Variants in SLC17A6 observed in about 807,000 individuals in gnomAD.
SLC17A6 encodes solute carrier family 17 member 6.
SLC17A6 carries 35 observed loss-of-function variants against 67.1 expected under a neutral mutation model. The observed-to-expected ratio is 0.52, with a 90% CI of 0.40 to 0.69. The LOEUF is 0.69. SLC17A6 is among the 30% of genes least tolerant of loss of function. The pLI, the probability that SLC17A6 is intolerant of heterozygous loss-of-function variation, is 0.00. For missense variants in SLC17A6, 588 were observed against 723.9 expected (o/e 0.81, Z 2.15); for synonymous variants, 285 against 252.3 (o/e 1.13, Z -1.23).
Position 22,377,691 on chromosome 11 carries a change from G to C in SLC17A6, c.1700G>C (p.Gly567Ala). ...GWEKKEEFVQ[G>A]EVQDSHSYKD... ...GAAAAGAAAGAGGAATTTGTACAAG[G>C]AGAAGTACAAGACTCACATAGCTAT... The change falls in exon 12 of 12, where the codon GGA becomes GCA. Residue 567 changes from glycine (G) to alanine (A), a missense_variant. Physicochemically the swap from Gly to Ala is moderately conservative, Grantham distance 60. Coordinates refer to ENST00000263160, the MANE Select transcript of SLC17A6 (RefSeq NM_020346.3). The C allele has an allele frequency of 6.2e-7, 1 of 1,611,456 alleles. No individual in the cohort carries two copies. Among genetic ancestry groups the C allele is most frequent in the East Asian group, 2.2e-5 (1 of 44,862 alleles).
chr11:22,362,850 A>G (rs757365644), intron 6 of SLC17A6, 25 bp downstream of exon 6: 11 of 1,579,276 alleles, frequency 7.0e-6, no homozygotes, highest in Middle Eastern at 1.7e-4. Flanking sequence ...TATGCAATAG[A>G]GTTAAAGGAA....
chr11:22,371,128 A>G (rs1216490403), intron 8 of SLC17A6, among the ~76,000 whole-genome samples: 1 of 152,112 alleles, frequency 6.6e-6, no homozygotes, highest in Non-Finnish European at 1.5e-5. Flanking sequence ...TATCTTTACT[A>G]TGCCATTCAA....
At position 22,374,750 on chromosome 11, in the gene SLC17A6, A is replaced by G. The variant is rs370379027; in HGVS notation, c.1042-5A>G. ...CTATTTCTCTCCCTTCTTGTTTTTC[A>G]TCAGGTTGGTATGCTATCTGCTGTG... On this transcript the variant is annotated splice_region_variant and splice_polypyrimidine_tract_variant and intron_variant, in intron 8 of 11. Transcript: ENST00000263160. 7.6e-6 allele frequency: 12 copies of G among 1,587,294 alleles called. No homozygotes were observed. Among genetic ancestry groups the G allele is most frequent in the Middle Eastern group, 1.7e-4 (1 of 5,902 alleles).
At chr11:22,347,189 T>C (rs919887132) in intron 3 of SLC17A6, among the ~76,000 whole-genome samples, 1 of 151,972 alleles carries the variant, frequency 6.6e-6, no homozygotes, top group African/African-American at 2.4e-5. Flanking sequence ...ACCTGACTCA[T>C]GATAAATACT....
chr11:22,370,202 A>G lies in SLC17A6; in HGVS notation c.1041+14A>G. The G allele has an allele frequency of 6.3e-7, 1 of 1,584,702 alleles. No individual in the cohort carries two copies. The highest frequency in any genetic ancestry group is 2.3e-5 in the East Asian group (1 of 44,380). ...GAAATTAGCAAGGTATGTAAAATGT[A>G]TTCTTATATAAATTGTGGATTACCT... On this transcript the variant is annotated intron_variant, in intron 8 of 11. Coordinates refer to ENST00000263160, the MANE Select transcript of SLC17A6 (RefSeq NM_020346.3).
intron 3 of SLC17A6, among the ~76,000 whole-genome samples, chr11:22,356,309 AG>A (rs766966166): frequency 6.6e-6 from 1 of 152,162 alleles, no homozygotes; most frequent in Non-Finnish European, 1.5e-5. Context: ...TTGAATGGGG[AG>A]GCTGCTTCAA....
chr11:22,371,119 A>G (rs1856170717), intron 8 of SLC17A6, among the ~76,000 whole-genome samples: 2 of 152,146 alleles, frequency 1.3e-5, no homozygotes, highest in African/African-American at 4.8e-5. Context: ...CTGTTTAATT[A>G]TCTTTACTAT....
At chr11:22,372,968 G>A (rs1256918709) in intron 8 of SLC17A6, among the ~76,000 whole-genome samples, 1 of 152,060 alleles carries the variant, frequency 6.6e-6, no homozygotes, top group African/African-American at 2.4e-5. Context: ...TAAGAAAATA[G>A]GAGAGTCAAT....
At chr11:22,344,236 G>T (rs1181336552) in intron 3 of SLC17A6, among the ~76,000 whole-genome samples, 4 of 152,130 alleles carry the variant, frequency 2.6e-5, no homozygotes, top group Non-Finnish European at 5.9e-5. Context: ...CGCAAATAAA[G>T]ACTTCCAGGC....
intron 1 of SLC17A6, among the ~76,000 whole-genome samples, chr11:22,339,193 A>AT: frequency 7.4e-6 from 1 of 134,832 alleles, no homozygotes. Context: ...ATATATATAT[A>AT]TATATATATA....
At chr11:22,360,535 C>A (rs184132856) in intron 4 of SLC17A6, among the ~76,000 whole-genome samples, 17 of 139,332 alleles carry the variant, frequency 1.2e-4, no homozygotes, top group South Asian at 2.5e-4. Context: ...TTCCCCCCCC[C>A]CCAAAAAAAA....
intron 9 of SLC17A6, among the ~76,000 whole-genome samples, chr11:22,375,573 C>G (rs1237694375): frequency 1.3e-5 from 2 of 151,596 alleles, no homozygotes; most frequent in Non-Finnish European, 2.9e-5. Context: ...CCCCGCCTCC[C>G]GGGTTCAAGC....
At chr11:22,343,810 G>T (rs1381469407) in intron 3 of SLC17A6, among the ~76,000 whole-genome samples, 1 of 152,120 alleles carries the variant, frequency 6.6e-6, no homozygotes, top group East Asian at 1.9e-4. Flanking sequence ...TCGAAGACCT[G>T]GCCCCGTCCC....
chr11:22,366,663 C>T (rs896022003), intron 7 of SLC17A6, among the ~76,000 whole-genome samples: 1 of 152,036 alleles, frequency 6.6e-6, no homozygotes, highest in East Asian at 1.9e-4. Context: ...ATACATTGTA[C>T]ATAGTAATTA....
chr11:22,354,230 C>T (rs1297241169), intron 3 of SLC17A6, among the ~76,000 whole-genome samples: 2 of 151,898 alleles, frequency 1.3e-5, no homozygotes, highest in Admixed American at 6.6e-5. Flanking sequence ...ATTACAGGTG[C>T]CCACCGCCAC....
chr11:22,342,203 T>C (rs1268735013), intron 2 of SLC17A6, among the ~76,000 whole-genome samples: 2 of 152,168 alleles, frequency 1.3e-5, no homozygotes, highest in Non-Finnish European at 2.9e-5. Flanking sequence ...GAAAACAAAA[T>C]CAGCTGTGTT....
At chr11:22,343,604 G>A (rs1486248991) in intron 3 of SLC17A6, among the ~76,000 whole-genome samples, 2 of 152,176 alleles carry the variant, frequency 1.3e-5, no homozygotes, top group African/African-American at 4.8e-5. Flanking sequence ...CCTCTGCTGT[G>A]GCTGAACTTG....
At chr11:22,355,250 T>C (rs1407748190) in intron 3 of SLC17A6, among the ~76,000 whole-genome samples, 1 of 152,188 alleles carries the variant, frequency 6.6e-6, no homozygotes, top group East Asian at 1.9e-4. Flanking sequence ...CTCTGAACCA[T>C]TACCTAGTGA....
At chr11:22,344,644 AAC>A (rs1179184081) in intron 3 of SLC17A6, among the ~76,000 whole-genome samples, 1 of 152,148 alleles carries the variant, frequency 6.6e-6, no homozygotes, top group Non-Finnish European at 1.5e-5. Flanking sequence ...GTAGTAGACA[AAC>A]AGTCCCTTTA....
Sources: allele counts gnomAD v4.1 joint callset (sites outside exome capture counted in the v4.1 genomes callset), GRCh38; gene constraint gnomAD v4.1.1; transcripts MANE v1.5; gene names NCBI Gene and HGNC (gene_info 2026-07-23, HGNC 2026-07-21).